The following KCNN2 variants were observed in gnomAD, a reference collection of about 807,000 sequenced individuals.
KCNN2 encodes small conductance calcium-activated potassium channel protein 2.
Under a neutral mutation model 55.5 loss-of-function variants are expected in KCNN2, and 24 were observed. The ratio of observed to expected loss-of-function variants is 0.43; its 90% CI spans 0.31 to 0.61. The LOEUF is 0.61. KCNN2 is among the 20% of genes least tolerant of loss of function. The pLI is 0.08. For synonymous variants in KCNN2, 431 were observed against 336.1 expected (o/e 1.28, Z -3.09); for missense variants, 754 against 853.6 (o/e 0.88, Z 1.45).
chr5:114,170,580 C>G (rs1314945989), intron 1 of KCNN2, among the ~76,000 whole-genome samples: 1 of 152,064 alleles, frequency 6.6e-6, no homozygotes, highest in East Asian at 1.9e-4. Context: ...TGTTTTCCTG[C>G]ACACAGTAAA....
intron 1 of KCNN2, among the ~76,000 whole-genome samples, chr5:114,093,977 A>G (rs74785376): frequency 0.01 from 1,562 of 152,276 alleles, 38 homozygotes; most frequent in African/African-American, 0.036. Flanking sequence ...GAACCAATCT[A>G]TGTATATATA....
At chr5:114,391,902 A>G (rs1424402683) in intron 2 of KCNN2, among the ~76,000 whole-genome samples, 1 of 152,076 alleles carries the variant, frequency 6.6e-6, no homozygotes, top group African/African-American at 2.4e-5. Context: ...TCATGGTCAG[A>G]GGGTGGTTGC....
intron 5 of KCNN2, among the ~76,000 whole-genome samples, chr5:114,479,281 G>A (rs1192649278): frequency 2.0e-5 from 3 of 147,380 alleles, no homozygotes; most frequent in African/African-American, 7.5e-5. Flanking sequence ...CCTGACAAAA[G>A]AGACTTCAAA....
rs561440555 is a variant in KCNN2 at position 114,446,864 on chromosome 5, T to TG, written c.1638-16184dup. 3.5e-3 allele frequency among the ~76,000 whole-genome samples: 537 copies of TG among 152,278 alleles called. 2 individuals carry two copies. Among genetic ancestry groups the TG allele is most frequent in the Non-Finnish European group, 6.3e-3 (430 of 68,012 alleles). On this transcript the variant is annotated intron_variant, in intron 3 of 7. Coordinates refer to ENST00000673685, the MANE Select transcript of KCNN2 (RefSeq NM_021614.4). The stretch of plus-strand genomic sequence containing the variant: ...TTGCAGTGAGCCGAGATCACACCAC[T>TG]GCGCTCCAGACTGGGTGACAGAGCA...
chr5:114,086,444 A>G (rs1265147909), intron 1 of KCNN2, among the ~76,000 whole-genome samples: 1 of 149,558 alleles, frequency 6.7e-6, no homozygotes, highest in Non-Finnish European at 1.5e-5. Flanking sequence ...TTCCTTGCCC[A>G]TCTAGTAGTC....
intron 2 of KCNN2, among the ~76,000 whole-genome samples, chr5:114,224,208 A>G (rs578096943): frequency 1.1e-4 from 16 of 152,242 alleles, no homozygotes; most frequent in Non-Finnish European, 2.1e-4. Context: ...ATTTGAATCT[A>G]AGAGACGATA....
At chr5:114,268,997 T>C (rs1328341601) in intron 2 of KCNN2, among the ~76,000 whole-genome samples, 1 of 151,886 alleles carries the variant, frequency 6.6e-6, no homozygotes, top group Non-Finnish European at 1.5e-5. Flanking sequence ...GTCCCTCCAA[T>C]TGATAAGGCT....
chr5:114,473,032 T>C, intron 4 of KCNN2, 22 bp from the exon 5 acceptor site: 1 of 1,491,524 alleles, frequency 6.7e-7, no homozygotes, highest in Non-Finnish European at 9.2e-7. Context: ...GCTTTGGGTT[T>C]CTCTTCTCTC....
chr5:114,367,270 A>G (rs1757628671), intron 2 of KCNN2, among the ~76,000 whole-genome samples: 1 of 152,230 alleles, frequency 6.6e-6, no homozygotes. Context: ...TCAGTACCAC[A>G]GACAGCTCAG....
chr5:114,472,738 G>C (rs1234041623), intron 4 of KCNN2, among the ~76,000 whole-genome samples: 1 of 151,946 alleles, frequency 6.6e-6, no homozygotes, highest in Non-Finnish European at 1.5e-5. Flanking sequence ...TATAATTATA[G>C]GTATATAACT....
At chr5:114,337,714 A>G (rs938836797) in intron 2 of KCNN2, among the ~76,000 whole-genome samples, 1 of 152,148 alleles carries the variant, frequency 6.6e-6, no homozygotes, top group Non-Finnish European at 1.5e-5. Flanking sequence ...CCAAGAAAAA[A>G]TTCCCACTCT....
intron 4 of KCNN2, among the ~76,000 whole-genome samples, chr5:114,464,311 T>C (rs958350766): frequency 5.9e-5 from 9 of 152,236 alleles, no homozygotes; most frequent in African/African-American, 2.2e-4. Context: ...ATCTACTTTT[T>C]AAAGTTTGCT....
At chr5:114,107,508 C>T (rs1424001425) in intron 1 of KCNN2, among the ~76,000 whole-genome samples, 1 of 152,062 alleles carries the variant, frequency 6.6e-6, no homozygotes, top group African/African-American at 2.4e-5. Context: ...CCTCAGCCTC[C>T]TGAATAGCTG....
intron 2 of KCNN2, among the ~76,000 whole-genome samples, chr5:114,386,043 A>T (rs1289574877): frequency 6.6e-6 from 1 of 151,842 alleles, no homozygotes; most frequent in Non-Finnish European, 1.5e-5. Flanking sequence ...TTAGCCGGGC[A>T]TGGTGGCAGG....
chr5:114,207,915 C>T (rs1041321703), intron 1 of KCNN2, among the ~76,000 whole-genome samples: 2 of 152,162 alleles, frequency 1.3e-5, no homozygotes, highest in Non-Finnish European at 2.9e-5. Context: ...AAAGTCCCAT[C>T]TCCGTCACAG....
chr5:114,293,747 G>A (rs142376050), intron 2 of KCNN2, among the ~76,000 whole-genome samples: 29,298 of 152,080 alleles, frequency 0.19, 2,957 homozygotes, highest in South Asian at 0.24. Context: ...CTATTGATTG[G>A]GAGAGTTTCA....
intron 2 of KCNN2, among the ~76,000 whole-genome samples, chr5:114,309,299 C>G (rs1756351102): frequency 6.6e-6 from 1 of 152,172 alleles, no homozygotes; most frequent in Non-Finnish European, 1.5e-5. Flanking sequence ...CGTAACATAA[C>G]TAGGCTCAAT....
intron 2 of KCNN2, among the ~76,000 whole-genome samples, chr5:114,345,132 G>A (rs945721732): frequency 2.6e-5 from 4 of 152,090 alleles, no homozygotes; most frequent in Non-Finnish European, 5.9e-5. Context: ...GTGAAATACT[G>A]TGTAACTGTA....
upstream of KCNN2, among the ~76,000 whole-genome samples, chr5:114,359,245 C>G (rs1475748741): frequency 1.3e-5 from 2 of 152,106 alleles, no homozygotes; most frequent in Non-Finnish European, 2.9e-5. Context: ...TTCCGACAGT[C>G]CCTCATGTTG....
Sources: gnomAD v4.1 joint callset for allele counts (sites outside exome capture counted in the v4.1 genomes callset) on GRCh38, gnomAD v4.1.1 for gene constraint, MANE v1.5 for transcripts, NCBI Gene and HGNC (gene_info 2026-07-23, HGNC 2026-07-21) for gene names.